ZNF311: variants seen among roughly 807,000 people sequenced by gnomAD.
ZNF311 encodes the protein zinc finger protein zfp31.
A neutral mutation model predicts 22.7 loss-of-function variants in ZNF311; 14 were observed. That is an observed-to-expected ratio of 0.62 (90% CI 0.41 to 0.96). The LOEUF is 0.96. ZNF311 is among the 40% of genes least tolerant of loss of function. The pLI is 0.00. For missense variants in ZNF311, 731 were observed against 799.0 expected (o/e 0.91, Z 1.03); for synonymous variants, 250 against 275.3 (o/e 0.91, Z 0.91).
Position 29,004,076 on chromosome 6 carries a change from C to T in ZNF311, c.-122G>A, listed in dbSNP as rs1780831764. On this transcript the variant is annotated 5_prime_UTR_variant, in exon 2 of 7. Coordinates refer to ENST00000377179, the MANE Select transcript of ZNF311 (RefSeq NM_001382360.1). The stretch of plus-strand genomic sequence containing the variant: ...GTTGATGCCAGCCTCCTTTGGAGAA[C>T]ACATGTTTTGGTGGTGCCAGCCAAA... 1 of 1,605,128 alleles carries T rather than the reference C, an allele frequency of 6.2e-7. No individual in the cohort carries two copies. Among genetic ancestry groups the T allele is most frequent in the Non-Finnish European group, 8.5e-7 (1 of 1,175,982 alleles).
At position 29,004,035 on chromosome 6, in the gene ZNF311, C is replaced by T; in HGVS notation, c.-81G>A. 6.2e-7 allele frequency: 1 copy of T among 1,612,764 alleles called. No individual in the cohort carries two copies. The highest frequency in any genetic ancestry group is 8.5e-7 in the Non-Finnish European group (1 of 1,179,820). On this transcript the variant is annotated 5_prime_UTR_variant, in exon 2 of 7. Transcript: ENST00000377179. The stretch of plus-strand genomic sequence containing the variant: ...TGGTCAGATCCAGTTCTCAAACAAG[C>T]TGTGAAGTGGCTCCAGTTGATGCCA...
At chr6:29,001,184 T>TG (rs1257057428) in intron 3 of ZNF311, among the ~76,000 whole-genome samples, 2 of 152,208 alleles carry the variant, frequency 1.3e-5, no homozygotes, top group Non-Finnish European at 2.9e-5. Context: ...TCTTGATAGT[T>TG]TATCAACACA....
chr6:28,994,971 A>G lies in ZNF311; in HGVS notation c.*30T>C, dbSNP rs1257615915. ...GAAGGACCAGCCTAAGAGGTAGGAA[A>G]AACAGAAAGTAACACCAGAATCGTT... is the stretch of plus-strand genomic sequence containing the variant. On this transcript the variant is annotated 3_prime_UTR_variant, in exon 7 of 7. Coordinates refer to ENST00000377179, the MANE Select transcript of ZNF311 (RefSeq NM_001382360.1). 4 of 1,550,052 alleles carry G rather than the reference A, an allele frequency of 2.6e-6. No individual in the cohort carries two copies. Among genetic ancestry groups the G allele is most frequent in the Non-Finnish European group, 3.5e-6 (4 of 1,152,384 alleles).
intron 6 of ZNF311, among the ~76,000 whole-genome samples, chr6:28,997,705 G>A (rs1013757961): frequency 4.6e-5 from 7 of 152,130 alleles, no homozygotes; most frequent in African/African-American, 1.7e-4. Flanking sequence ...TAAAGCATAC[G>A]GTCAAGAGTC....
Position 28,999,673 on chromosome 6 carries a change from G to A in ZNF311, c.184-60C>T, listed in dbSNP as rs1780168822. 7 of 1,570,504 alleles carry A rather than the reference G, an allele frequency of 4.5e-6. No individual in the cohort carries two copies. The South Asian group carries it at 8.3e-5, about 19-fold the overall frequency. On this transcript the variant is annotated intron_variant, in intron 4 of 6. Coordinates refer to ENST00000377179, the MANE Select transcript of ZNF311 (RefSeq NM_001382360.1). ...CGCCATAGTTTCCTCAGGAAACAGAGGCAGAAGAAAGGAATTTGCAAGGAG... is the reference window on the plus strand; with the variant it reads ...CGCCATAGTTTCCTCAGGAAACAGAAGCAGAAGAAAGGAATTTGCAAGGAG...
At chr6:28,999,106 T>C (rs1780061647) in intron 5 of ZNF311, among the ~76,000 whole-genome samples, 1 of 151,422 alleles carries the variant, frequency 6.6e-6, no homozygotes, top group Non-Finnish European at 1.5e-5. Context: ...TTTAATTTTA[T>C]TTTGTTTTAC....
At chr6:29,001,323 G>A (rs1780418170) in intron 3 of ZNF311, among the ~76,000 whole-genome samples, 1 of 151,848 alleles carries the variant, frequency 6.6e-6, no homozygotes, top group Admixed American at 6.6e-5. Flanking sequence ...CCATTTTTAC[G>A]AAAAACCGAT....
intron 6 of ZNF311, among the ~76,000 whole-genome samples, chr6:28,998,021 C>G (rs764464913): frequency 2.7e-4 from 41 of 152,158 alleles, no homozygotes; most frequent in African/African-American, 7.5e-4. Context: ...GTCCCCTGCT[C>G]TACTCACACT....
chr6:29,001,730 C>T (rs891425581), intron 3 of ZNF311, among the ~76,000 whole-genome samples: 4 of 152,156 alleles, frequency 2.6e-5, no homozygotes, highest in African/African-American at 9.7e-5. Context: ...CCACAATTTA[C>T]GTTCTGCAAT....
intron 6 of ZNF311, 45 bp from the exon 7 acceptor site, chr6:28,996,631 G>C: frequency 6.5e-7 from 1 of 1,532,190 alleles, no homozygotes; most frequent in Non-Finnish European, 8.7e-7. Flanking sequence ...AAATAAGTGA[G>C]ATGGGAGGCG....
intron 4 of ZNF311, 36 bp downstream of exon 4, chr6:28,999,920 G>C (rs1780203539): frequency 6.3e-7 from 1 of 1,591,270 alleles, no homozygotes; most frequent in South Asian, 1.1e-5. Context: ...AGGTAGTGAT[G>C]TATTTTCAAG....
Position 28,995,545 on chromosome 6 carries a change from C to T in ZNF311, c.1457G>A (p.Arg486His), listed in dbSNP as rs149361721. 308 of 1,613,682 alleles carry T rather than the reference C, an allele frequency of 1.9e-4. No individual in the cohort carries two copies. The highest frequency in any genetic ancestry group is 1.0e-3 in the Admixed American group (61 of 59,998). Residue 486 changes from arginine to histidine, a missense_variant, in exon 7 of 7, where the codon CGC becomes CAC. Arg to His is a conservative substitution (Grantham distance 29). Transcript: ENST00000377179. The surrounding 1 kb of genome is among the most constrained non-coding windows in gnomAD (Gnocchi z 4.7). ...TGTATGCTCTCGTTCATGAGCCCTG[C>T]GCTTACAGTTATGACGAAAGGCTTT... ...CGKAFRHNCK[R>H]RAHEREHTGE...
chr6:29,000,128 T>G, intron 3 of ZNF311, 81 bp from the exon 4 acceptor site: 1 of 1,336,432 alleles, frequency 7.5e-7, no homozygotes, highest in Non-Finnish European at 1.0e-6. Context: ...CTTCCTCAAA[T>G]GTAGAAGCTT....
At position 28,996,180 on chromosome 6, in the gene ZNF311, G is replaced by C; in HGVS notation, c.822C>G (p.Pro274=). Residue 274 remains proline, a synonymous_variant, in exon 7 of 7, where the codon CCC becomes CCG. Coordinates refer to ENST00000377179, the MANE Select transcript of ZNF311 (RefSeq NM_001382360.1). The part of the protein sequence containing the change: ...LHEQIHSGEK[P]HVCNECGKAF... The stretch of plus-strand genomic sequence containing the variant: ...CTTTCCCACACTCATTACACACATG[G>C]GGTTTCTCACCAGAATGAATTTGCT... 6.2e-7 allele frequency: 1 copy of C among 1,613,486 alleles called. No individual in the cohort carries two copies. The highest frequency in any genetic ancestry group is 8.5e-7 in the Non-Finnish European group (1 of 1,180,034).
chr6:29,000,229 C>T (rs1464580024), intron 3 of ZNF311, among the ~76,000 whole-genome samples, 182 bp from the exon 4 acceptor site: 1 of 152,196 alleles, frequency 6.6e-6, no homozygotes, highest in South Asian at 2.1e-4. Context: ...TGTTGGGCAT[C>T]AGGCCCTGGC....
intron 3 of ZNF311, among the ~76,000 whole-genome samples, chr6:29,002,765 T>A (rs913022034): frequency 1.3e-5 from 2 of 151,860 alleles, no homozygotes; most frequent in African/African-American, 4.8e-5. Context: ...GGGTTACAGG[T>A]GCATTACACC....
Position 28,996,151 on chromosome 6 carries a change from A to T in ZNF311, c.851T>A (p.Phe284Tyr), listed in dbSNP as rs1750679023. The change falls in exon 7 of 7, where the codon TTC becomes TAC. Residue 284 changes from phenylalanine to tyrosine, a missense_variant. By Grantham distance (22) the Phe-to-Tyr change is conservative. Coordinates refer to ENST00000377179, the MANE Select transcript of ZNF311 (RefSeq NM_001382360.1). Reference protein sequence around the residue: ...PHVCNECGKAFKTRNQLSMHR... With the variant: ...PHVCNECGKAYKTRNQLSMHR... ...CATAGAAAGCTGATTTCTGGTCTTG[A>T]ATGCTTTCCCACACTCATTACACAC... 1 of 1,613,362 alleles carries T rather than the reference A, an allele frequency of 6.2e-7. No individual in the cohort carries two copies. Among genetic ancestry groups the T allele is most frequent in the Admixed American group, 1.7e-5 (1 of 59,990 alleles).
At chr6:29,005,452 C>A (rs1469931522), upstream of ZNF311, 1 of 152,068 alleles carries the variant, frequency 6.6e-6, no homozygotes, top group African/African-American at 2.4e-5. Flanking sequence ...CCCCAAAGAC[C>A]CGCCCCTGCC....
rs1779334132 is a variant in ZNF311 at position 28,995,365 on chromosome 6, CGAT to C, written c.1634_1636del (p.His545del). ...AGGCTTCTCTCCAGTGTGAATTCTT[CGAT>C]GATTGGTCAAGTTTGACTTCCCACT... On this transcript the variant is annotated inframe_deletion, in exon 7 of 7. Coordinates refer to ENST00000377179, the MANE Select transcript of ZNF311 (RefSeq NM_001382360.1). The surrounding 1 kb of genome is among the most constrained non-coding windows in gnomAD (Gnocchi z 4.7). 6.2e-7 allele frequency: 1 copy of C among 1,613,854 alleles called. No individual in the cohort carries two copies. The highest frequency in any genetic ancestry group is 8.5e-7 in the Non-Finnish European group (1 of 1,180,026).
Sources: allele counts gnomAD v4.1 joint callset (sites outside exome capture counted in the v4.1 genomes callset), GRCh38; gene constraint gnomAD v4.1.1; non-coding constraint Gnocchi (gnomAD v3.1); transcripts MANE v1.5; gene names NCBI Gene and HGNC (gene_info 2026-07-23, HGNC 2026-07-21).